Variants in TRPM7 observed in about 807,000 individuals in gnomAD.
TRPM7 encodes the protein LTRPC ion channel family member 7.
TRPM7 carries 134 observed loss-of-function variants against 229.7 expected under a neutral mutation model. The ratio of observed to expected loss-of-function variants is 0.58; its 90% CI spans 0.51 to 0.67. TRPM7 has a LOEUF of 0.67. Among genes scored for constraint, TRPM7 ranks in the 30% least tolerant of loss-of-function variants. The pLI is 0.00. For missense variants in TRPM7, 1,901 were observed against 2,210.0 expected (o/e 0.86, Z 2.80); for synonymous variants, 699 against 715.2 (o/e 0.98, Z 0.36).
At chr15:50,631,355 CACACACATAT>C in intron 10 of TRPM7, 52 bp downstream of exon 10, 1 of 975,626 alleles carries the variant, frequency 1.0e-6, no homozygotes, top group Non-Finnish European at 1.6e-6. Context: ...TACACACATA[CACACACATAT>C]ACATACATAA....
At chr15:50,568,129 A>AAG (rs2053698072) in intron 38 of TRPM7, among the ~76,000 whole-genome samples, 1 of 151,044 alleles carries the variant, frequency 6.6e-6, no homozygotes, top group African/African-American at 2.4e-5. Context: ...AAAAAAAAAA[A>AAG]AAACAAGGAG....
intron 1 of TRPM7, among the ~76,000 whole-genome samples, chr15:50,677,977 T>G (rs1213231929): frequency 1.3e-5 from 2 of 151,114 alleles, no homozygotes; most frequent in African/African-American, 2.4e-5. Context: ...CAGTGGCTCA[T>G]GCCTATAATC....
intron 3 of TRPM7, among the ~76,000 whole-genome samples, chr15:50,654,488 A>G (rs1041353579): frequency 2.0e-5 from 3 of 151,242 alleles, no homozygotes; most frequent in Non-Finnish European, 4.4e-5. Context: ...AAGATGAAGG[A>G]AAAAAAGCAG....
intron 1 of TRPM7, among the ~76,000 whole-genome samples, chr15:50,682,576 CAAA>C (rs146017285): frequency 9.7e-6 from 1 of 103,158 alleles, no homozygotes; most frequent in Admixed American, 1.1e-4. Context: ...AACTCCATCT[CAAA>C]AAAAAAAAAA....
intron 26 of TRPM7, among the ~76,000 whole-genome samples, chr15:50,590,346 A>G (rs774998736): frequency 9.2e-5 from 14 of 152,318 alleles, no homozygotes; most frequent in Admixed American, 2.6e-4. Flanking sequence ...TCTTATGCCT[A>G]TAACTTAAAC....
chr15:50,623,495 C>G (rs1004698353), intron 12 of TRPM7, among the ~76,000 whole-genome samples: 1 of 148,286 alleles, frequency 6.7e-6, no homozygotes, highest in African/African-American at 2.5e-5. Flanking sequence ...CCGCCCCCTC[C>G]CCGCCCCGCC....
chr15:50,617,717 C>G, intron 13 of TRPM7, among the ~76,000 whole-genome samples: 1 of 152,042 alleles, frequency 6.6e-6, no homozygotes, highest in African/African-American at 2.4e-5. Context: ...GGCTCGATGA[C>G]AGCTCACTGC....
Position 50,604,887 on chromosome 15 carries a change from A to G in TRPM7, c.2967T>C (p.Tyr989=). ...TTACCATTTTTCCAATCATCATTAC[A>G]TAAGGTCCTGCCTGTTGATTTACAG... The part of the protein sequence containing the change: ...FLAVNQQAGP[Y]VMMIGKMVAN... The change falls in exon 21 of 39, where the codon TAT becomes TAC. Residue 989 remains tyrosine (Y), a synonymous_variant. Coordinates refer to ENST00000646667, the MANE Select transcript of TRPM7 (RefSeq NM_017672.6). 3 of 1,598,534 alleles carry G rather than the reference A, an allele frequency of 1.9e-6. No individual in the cohort carries two copies. The highest frequency in any genetic ancestry group is 2.7e-5 in the African/African-American group (2 of 74,382).
chr15:50,672,093 C>T (rs962771481), intron 1 of TRPM7, among the ~76,000 whole-genome samples: 1 of 152,064 alleles, frequency 6.6e-6, no homozygotes, highest in South Asian at 2.1e-4. Context: ...GTCTCACTGT[C>T]GCCCAGGCTG....
At chr15:50,663,258 A>G (rs2061781121) in intron 1 of TRPM7, among the ~76,000 whole-genome samples, 1 of 152,048 alleles carries the variant, frequency 6.6e-6, no homozygotes, top group Non-Finnish European at 1.5e-5. Flanking sequence ...CCTCCCGGGT[A>G]GCTGGCAGTA....
At chr15:50,602,276 T>C (rs912043153) in intron 21 of TRPM7, among the ~76,000 whole-genome samples, 1 of 151,962 alleles carries the variant, frequency 6.6e-6, no homozygotes, top group African/African-American at 2.4e-5. Flanking sequence ...AGCAAACTAT[T>C]GCAAGGACAG....
intron 3 of TRPM7, among the ~76,000 whole-genome samples, chr15:50,656,160 A>G (rs1468797475): frequency 2.6e-5 from 4 of 151,428 alleles, no homozygotes; most frequent in African/African-American, 9.7e-5. Context: ...GCTGCACTAT[A>G]TGAAATGCTA....
intron 28 of TRPM7, among the ~76,000 whole-genome samples, chr15:50,585,829 A>T (rs2059327314): frequency 6.6e-6 from 1 of 152,164 alleles, no homozygotes; most frequent in South Asian, 2.1e-4. Context: ...TGGAAACATC[A>T]CCACAATATA....
intron 23 of TRPM7, 35 bp downstream of exon 23, chr15:50,596,220 T>G (rs761558851): frequency 1.5e-6 from 2 of 1,360,292 alleles, no homozygotes; most frequent in Admixed American, 2.6e-5. Context: ...GCATATTAAA[T>G]CATCTTATAA....
chr15:50,645,286 C>T (rs1474844543), intron 4 of TRPM7, among the ~76,000 whole-genome samples: 6 of 151,996 alleles, frequency 3.9e-5, no homozygotes, highest in African/African-American at 1.5e-4. Flanking sequence ...AAGTGATCTG[C>T]CTGCCTCGGC....
At chr15:50,652,829 A>G (rs2061461079) in intron 3 of TRPM7, among the ~76,000 whole-genome samples, 1 of 152,100 alleles carries the variant, frequency 6.6e-6, no homozygotes, top group Non-Finnish European at 1.5e-5. Context: ...AAGGAACTCC[A>G]TCTCAAAAAA....
chr15:50,595,063 C>T (rs480328), intron 23 of TRPM7, among the ~76,000 whole-genome samples: 11,438 of 151,892 alleles, frequency 0.075, 557 homozygotes, highest in South Asian at 0.12. Context: ...GTTAGCCAGG[C>T]GTGATGGTGT....
intron 1 of TRPM7, among the ~76,000 whole-genome samples, chr15:50,680,825 G>C (rs1189218101): frequency 6.6e-6 from 1 of 152,166 alleles, no homozygotes; most frequent in East Asian, 1.9e-4. Context: ...AGTTTCTGTA[G>C]TTTGGCAGGT....
Position 50,592,035 on chromosome 15 carries a change from T to C in TRPM7, c.4200A>G (p.Lys1400=). ...SIPHLSSPPT[K]FFVSTPSQPS... ...GCTGAGATGGTGTACTAACAAAAAATTTGGTTGGTGGGGATGACAGATGTG... is the reference window on the plus strand; with the variant it reads ...GCTGAGATGGTGTACTAACAAAAAACTTGGTTGGTGGGGATGACAGATGTG... Residue 1400 remains lysine (K), a synonymous_variant, in exon 26 of 39, where the codon AAA becomes AAG. Coordinates refer to ENST00000646667, the MANE Select transcript of TRPM7 (RefSeq NM_017672.6). 6.2e-7 allele frequency: 1 copy of C among 1,613,420 alleles called. No homozygotes were observed. The highest frequency in any genetic ancestry group is 8.5e-7 in the Non-Finnish European group (1 of 1,179,766).
Sources: allele counts gnomAD v4.1 joint callset (sites outside exome capture counted in the v4.1 genomes callset), GRCh38; gene constraint gnomAD v4.1.1; transcripts MANE v1.5; gene names NCBI Gene and HGNC (gene_info 2026-07-23, HGNC 2026-07-21).